Variants in SEPHS1 observed in about 807,000 individuals in gnomAD.
SEPHS1 encodes the protein zincore component SEPHS1.
Under a neutral mutation model 39.2 loss-of-function variants are expected in SEPHS1, and 7 were observed. The observed-to-expected ratio is 0.18, with a 90% confidence interval of 0.10 to 0.34. The LOEUF is 0.34. Among genes scored for constraint, SEPHS1 ranks in the 10% least tolerant of loss-of-function variants. SEPHS1 has a pLI of 1.00. For synonymous variants in SEPHS1, 190 were observed against 195.5 expected, an observed-to-expected ratio of 0.97 and a Z score of 0.23; for missense variants, 253 against 514.5, an observed-to-expected ratio of 0.49 and a Z score of 4.92.
intron 2 of SEPHS1, among the ~76,000 whole-genome samples, chr10:13,344,129 G>A (rs188846277): frequency 4.0e-4 from 61 of 152,194 alleles, no homozygotes; most frequent in African/African-American, 1.3e-3. Context: ...CCTCCTCACC[G>A]TAACACGCTT....
At chr10:13,325,890 C>A (rs1443267932) in intron 7 of SEPHS1, among the ~76,000 whole-genome samples, 1 of 59,114 alleles carries the variant, frequency 1.7e-5, no homozygotes, top group African/African-American at 7.3e-5. Flanking sequence ...AGCGAGACTC[C>A]GTCTCAAAAA....
Position 13,318,366 on chromosome 10 carries a change from T to C in SEPHS1, c.*776A>G, listed in dbSNP as rs1833003951. 6.6e-6 allele frequency: 1 copy of C among 152,640 alleles called. No homozygotes were observed. The highest frequency in any genetic ancestry group is 1.5e-5 in the Non-Finnish European group (1 of 68,044). 9.5% of individuals were successfully genotyped at this position (152,640 alleles called of 1,614,324 possible). On this transcript the variant is annotated 3_prime_UTR_variant, in exon 9 of 9. Transcript: ENST00000327347. The stretch of plus-strand genomic sequence containing the variant: ...GTGTAATTATATATTGAATTGTAAA[T>C]GAGTATTATACATGAACCTCCATTC...
At chr10:13,343,337 G>T (rs369713463) in intron 2 of SEPHS1, among the ~76,000 whole-genome samples, 1 of 152,066 alleles carries the variant, frequency 6.6e-6, no homozygotes, top group Non-Finnish European at 1.5e-5. Context: ...TCAGCTGGAC[G>T]GCAGGAACTG....
rs546089273 is a variant in SEPHS1 at position 13,345,955 on chromosome 10, T to C, written c.-78-927A>G. ...AAAGGGCACAACTTAAAAACTACAG[T>C]GGCAGTTTAACACAGTAAGGTCTGT... is the stretch of plus-strand genomic sequence containing the variant. On this transcript the variant is annotated intron_variant, in intron 1 of 8. Coordinates refer to ENST00000327347, the MANE Select transcript of SEPHS1 (RefSeq NM_012247.5). Among the ~76,000 whole-genome samples the C allele has an allele frequency of 2.6e-5, 4 of 152,356 alleles. 1 individual carries two copies. In the South Asian group the frequency reaches 8.3e-4, roughly 32 times the overall value.
intron 7 of SEPHS1, among the ~76,000 whole-genome samples, chr10:13,326,173 T>C (rs993572862): frequency 2.6e-5 from 4 of 152,066 alleles, no homozygotes; most frequent in African/African-American, 4.8e-5. Flanking sequence ...CTTTACTCCT[T>C]TGTCAAAAAT....
At chr10:13,346,810 G>C (rs967441910) in intron 1 of SEPHS1, among the ~76,000 whole-genome samples, 1 of 152,120 alleles carries the variant, frequency 6.6e-6, no homozygotes, top group Non-Finnish European at 1.5e-5. Context: ...CCAAAAAGGT[G>C]GGGAGGGGAA....
intron 5 of SEPHS1, among the ~76,000 whole-genome samples, chr10:13,333,112 G>A (rs1016983391): frequency 2.6e-5 from 4 of 151,150 alleles, no homozygotes; most frequent in African/African-American, 4.9e-5. Context: ...GGTATAGTAC[G>A]CAAATTATAT....
At chr10:13,343,068 G>A (rs1017528060) in intron 2 of SEPHS1, among the ~76,000 whole-genome samples, 6 of 152,146 alleles carry the variant, frequency 3.9e-5, no homozygotes, top group Non-Finnish European at 7.3e-5. Context: ...AGATTAGGAA[G>A]CTGAGGCTCA....
At chr10:13,333,685 C>CAA in intron 5 of SEPHS1, 132 bp downstream of exon 5, 1 of 850,872 alleles carries the variant, frequency 1.2e-6, no homozygotes, top group Non-Finnish European at 1.8e-6. Context: ...AGGTGATCTG[C>CAA]CCGCCTCGGC....
intron 2 of SEPHS1, among the ~76,000 whole-genome samples, chr10:13,341,812 A>G (rs1833792931): frequency 6.6e-6 from 1 of 151,618 alleles, no homozygotes; most frequent in African/African-American, 2.4e-5. Context: ...CAAAAAAATT[A>G]GCTGGGTGTG....
At chr10:13,323,098 A>G (rs1466000369) in intron 7 of SEPHS1, 51 bp from the exon 8 acceptor site, 2 of 1,461,500 alleles carry the variant, frequency 1.4e-6, no homozygotes, top group South Asian at 1.2e-5. Flanking sequence ...CCTCAACTCA[A>G]AAATCTTACG....
chr10:13,323,616 G>A (rs1037455477), intron 7 of SEPHS1, among the ~76,000 whole-genome samples: 1 of 151,986 alleles, frequency 6.6e-6, no homozygotes, highest in Non-Finnish European at 1.5e-5. Flanking sequence ...GCCTCCCAAA[G>A]TGCTGGGATT....
chr10:13,343,553 C>G (rs1833851725), intron 2 of SEPHS1, among the ~76,000 whole-genome samples: 1 of 152,146 alleles, frequency 6.6e-6, no homozygotes, highest in African/African-American at 2.4e-5. Flanking sequence ...GTGGCTTACA[C>G]CTGTAATCCC....
intron 1 of SEPHS1, chr10:13,347,502 G>GCGGCGGGAGC (rs1319341592): frequency 2.0e-5 from 3 of 147,146 alleles, no homozygotes; most frequent in Non-Finnish European, 3.0e-5. Flanking sequence ...CCGGCGGGAG[G>GCGGCGGGAGC]CGGCGGGAGC....
intron 3 of SEPHS1, chr10:13,336,562 T>C (rs1222237016): frequency 8.4e-6 from 5 of 594,114 alleles, no homozygotes. Context: ...CAGACATTCC[T>C]GTTACCACCT....
rs1833887229 is a variant in SEPHS1 at position 13,345,119 on chromosome 10, A to C, written c.-78-91T>G. 2.1e-5 allele frequency: 11 copies of C among 522,380 alleles called. No individual in the cohort carries two copies. In the Admixed American group the frequency reaches 4.0e-4, roughly 19 times the overall value. 32.4% of individuals were successfully genotyped at this position (522,380 alleles called of 1,614,324 possible). On this transcript the variant is annotated intron_variant, in intron 1 of 8. Transcript: ENST00000327347. Reference sequence around the variant, plus strand: ...AGTGAATACATGACAGCGAAAAGTCAATGTGACAAGGGCTGAAATCATCAA... The same window carrying C: ...AGTGAATACATGACAGCGAAAAGTCCATGTGACAAGGGCTGAAATCATCAA...
At chr10:13,342,994 C>T (rs1431324226) in intron 2 of SEPHS1, among the ~76,000 whole-genome samples, 1 of 152,132 alleles carries the variant, frequency 6.6e-6, no homozygotes, top group Non-Finnish European at 1.5e-5. Context: ...CTTGACCTCC[C>T]AAAGTGCTGG....
At chr10:13,347,386 T>TCAGGCC (rs1398379898) in intron 1 of SEPHS1, 1 of 151,296 alleles carries the variant, frequency 6.6e-6, no homozygotes, top group Non-Finnish European at 1.5e-5. Context: ...AGGCTCAGGC[T>TCAGGCC]CAGGCCCTCG....
chr10:13,337,383 T>C (rs576243186), intron 3 of SEPHS1, among the ~76,000 whole-genome samples: 3 of 152,282 alleles, frequency 2.0e-5, no homozygotes, highest in Admixed American at 6.5e-5. Flanking sequence ...CCACTGGAGA[T>C]TTTTAAAAGT....
Sources: allele counts gnomAD v4.1 joint callset (sites outside exome capture counted in the v4.1 genomes callset), GRCh38; gene constraint gnomAD v4.1.1; transcripts MANE v1.5; gene names NCBI Gene and HGNC (gene_info 2026-07-23, HGNC 2026-07-21).